Variants in PICALM observed in about 807,000 individuals in gnomAD.
The protein encoded by PICALM is phosphatidylinositol-binding clathrin assembly protein.
Under a neutral mutation model 80.5 loss-of-function variants are expected in PICALM, and 40 were observed. The observed-to-expected ratio is 0.50, with a 90% CI of 0.39 to 0.65. The LOEUF is 0.65. Ranked by LOEUF, PICALM falls within the 30% of genes least tolerant of loss-of-function variation. PICALM has a pLI of 0.00. For missense variants in PICALM, 676 were observed against 778.9 expected (o/e 0.87, Z 1.57); for synonymous variants, 288 against 260.3 (o/e 1.11, Z -1.02).
chr11:85,967,105 T>C (rs1940707696), intron 19 of PICALM, among the ~76,000 whole-genome samples: 1 of 152,168 alleles, frequency 6.6e-6, no homozygotes, highest in African/African-American at 2.4e-5. Context: ...GTTTTTTTCC[T>C]CTTCAAACTC....
At chr11:86,029,539 TC>T (rs1342514790) in intron 2 of PICALM, among the ~76,000 whole-genome samples, 4 of 152,244 alleles carry the variant, frequency 2.6e-5, no homozygotes, top group African/African-American at 9.6e-5. Context: ...CCCTTGTCAG[TC>T]AATCTACAAA....
chr11:86,024,089 A>C (rs1593041936), intron 3 of PICALM, among the ~76,000 whole-genome samples: 1 of 151,984 alleles, frequency 6.6e-6, no homozygotes, highest in South Asian at 2.1e-4. Flanking sequence ...CGATCATACC[A>C]CTGCACCCAG....
chr11:85,969,874 G>C (rs568895422), intron 19 of PICALM, among the ~76,000 whole-genome samples: 1 of 152,076 alleles, frequency 6.6e-6, no homozygotes, highest in Non-Finnish European at 1.5e-5. Context: ...AAATAAAGCT[G>C]TCTTCATTCC....
chr11:85,976,535 A>C (rs892197519), intron 18 of PICALM, 88 bp downstream of exon 18: 1 of 819,878 alleles, frequency 1.2e-6, no homozygotes, highest in South Asian at 1.4e-5. Flanking sequence ...GAGGAGCACT[A>C]AATTCTTTTT....
intron 3 of PICALM, among the ~76,000 whole-genome samples, chr11:86,024,145 C>G (rs1295764934): frequency 6.6e-6 from 1 of 151,598 alleles, no homozygotes; most frequent in East Asian, 1.9e-4. Context: ...CCAGCCTCAG[C>G]AACAGAACCA....
At chr11:86,049,991 G>T (rs2137300339) in intron 1 of PICALM, among the ~76,000 whole-genome samples, 1 of 151,878 alleles carries the variant, frequency 6.6e-6, no homozygotes, top group East Asian at 2.0e-4. Context: ...CCTGAAGTCA[G>T]GAGTTCACAA....
At chr11:86,033,289 T>C (rs184858541) in intron 1 of PICALM, among the ~76,000 whole-genome samples, 60 of 152,330 alleles carry the variant, frequency 3.9e-4, no homozygotes, top group Non-Finnish European at 3.1e-4. Context: ...TATATATATA[T>C]ACTGTACTAT....
intron 19 of PICALM, among the ~76,000 whole-genome samples, chr11:85,965,792 T>C (rs1036059086): frequency 1.3e-5 from 2 of 149,836 alleles, no homozygotes; most frequent in East Asian, 3.9e-4. Flanking sequence ...TCACCTTGAA[T>C]GCATTACCCA....
chr11:86,048,638 C>T (rs2096120156), intron 1 of PICALM, among the ~76,000 whole-genome samples: 1 of 150,650 alleles, frequency 6.6e-6, no homozygotes, highest in Non-Finnish European at 1.5e-5. Context: ...TCGAGACCAT[C>T]CTGGCCAACA....
At chr11:86,020,135 T>A (rs943640557) in intron 4 of PICALM, among the ~76,000 whole-genome samples, 1 of 152,168 alleles carries the variant, frequency 6.6e-6, no homozygotes, top group Non-Finnish European at 1.5e-5. Context: ...ATGATTGTTA[T>A]TTAGGGTGCA....
At chr11:86,029,746 G>A (rs866487866) in intron 2 of PICALM, among the ~76,000 whole-genome samples, 22 of 152,112 alleles carry the variant, frequency 1.4e-4, no homozygotes, top group African/African-American at 4.1e-4. Flanking sequence ...GTACATACAC[G>A]CTTGGAATTC....
intron 6 of PICALM, among the ~76,000 whole-genome samples, chr11:86,011,842 A>G (rs1219918690): frequency 6.7e-6 from 1 of 149,076 alleles, no homozygotes; most frequent in East Asian, 2.0e-4. Context: ...AAAACTTACT[A>G]TCCTTTTTGT....
chr11:86,065,429 G>A (rs1212820165), intron 1 of PICALM, among the ~76,000 whole-genome samples: 6 of 150,632 alleles, frequency 4.0e-5, no homozygotes, highest in Non-Finnish European at 7.4e-5. Context: ...GCGACAGAGC[G>A]AGACTCCGTC....
chr11:86,002,647 T>C (rs185525985), intron 9 of PICALM, among the ~76,000 whole-genome samples: 1 of 152,318 alleles, frequency 6.6e-6, no homozygotes, highest in East Asian at 1.9e-4. Context: ...TATTCTAGGT[T>C]TGAGTCCCAG....
chr11:85,973,021 C>A (rs1340059250), intron 19 of PICALM, among the ~76,000 whole-genome samples: 3 of 152,138 alleles, frequency 2.0e-5, no homozygotes, highest in Non-Finnish European at 4.4e-5. Context: ...CAAAAAGTGA[C>A]TGACTTATAA....
chr11:86,047,762 A>G (rs1361655525), intron 1 of PICALM, among the ~76,000 whole-genome samples: 1 of 152,334 alleles, frequency 6.6e-6, no homozygotes, highest in African/African-American at 2.4e-5. Context: ...GATTAAGTCT[A>G]TAAGCCCAAG....
intron 6 of PICALM, 42 bp downstream of exon 6, chr11:86,012,239 G>T: frequency 1.8e-6 from 2 of 1,089,650 alleles, no homozygotes; most frequent in Non-Finnish European, 2.8e-6. Flanking sequence ...TTATCCATAT[G>T]ACACAAGATA....
intron 9 of PICALM, among the ~76,000 whole-genome samples, chr11:86,002,807 G>T (rs1374297877): frequency 6.6e-6 from 1 of 152,122 alleles, no homozygotes; most frequent in African/African-American, 2.4e-5. Flanking sequence ...GAGTTCAGGG[G>T]TTCGAGACCA....
At chr11:86,028,287 A>T (rs1480388962) in intron 2 of PICALM, among the ~76,000 whole-genome samples, 1 of 152,206 alleles carries the variant, frequency 6.6e-6, no homozygotes, top group East Asian at 1.9e-4. Flanking sequence ...GTAACCTGAA[A>T]TGGATTATCC....
Sources: gnomAD v4.1 joint callset for allele counts (sites outside exome capture counted in the v4.1 genomes callset) on GRCh38, gnomAD v4.1.1 for gene constraint, MANE v1.5 for transcripts, NCBI Gene and HGNC (gene_info 2026-07-23, HGNC 2026-07-21) for gene names.